Variants in PNPLA3 observed in about 807,000 individuals in gnomAD.
The protein encoded by PNPLA3 is 1-acylglycerol-3-phosphate O-acyltransferase PNPLA3.
A neutral mutation model predicts 43.1 loss-of-function variants in PNPLA3; 42 were observed. That is an observed-to-expected ratio of 0.97 (90% CI 0.76 to 1.26). PNPLA3 has a LOEUF of 1.26. Among genes scored for constraint, PNPLA3 ranks in the 50% most tolerant of loss-of-function variants. The probability of loss-of-function intolerance (pLI) is 0.00; values close to 1 mark genes in which losing one functional copy is unlikely to be tolerated. For synonymous variants in PNPLA3, 272 were observed against 253.6 expected (o/e 1.07, Z -0.69); for missense variants, 647 against 621.4 (o/e 1.04, Z -0.44).
In PNPLA3 at chr22:43,923,852, G is replaced by GAGCCGAT; in HGVS notation, c.-59_-53dup. 7.0e-7 allele frequency: 1 copy of GAGCCGAT among 1,419,012 alleles called. No homozygotes were observed. The highest frequency in any genetic ancestry group is 1.5e-5 in the South Asian group (1 of 68,120). The allele number at this position is 1,419,012 out of a possible 1,614,324, so 87.9% of individuals were successfully genotyped here. A position where few individuals can be genotyped will look rare whatever the true frequency, so the allele number is the denominator to read the frequency against. On this transcript the variant is annotated 5_prime_UTR_variant, in exon 1 of 9. Transcript: ENST00000216180. ...GCGGAGCTGCTGCGGATCAGGACCC[G>GAGCCGAT]AGCCGATTCCCGATCCCGACCCAGA...
intron 3 of PNPLA3, among the ~76,000 whole-genome samples, chr22:43,930,987 C>A (rs56968095): frequency 0.18 from 28,097 of 151,936 alleles, 3,234 homozygotes; most frequent in African/African-American, 0.32. Flanking sequence ...ATTAGCTGGG[C>A]GTGGTGGCGG....
At position 43,946,401 on chromosome 22, in the gene PNPLA3, T is replaced by G. The variant is rs569255289; in HGVS notation, c.*19T>G. 6.4e-4 allele frequency: 1,021 copies of G among 1,606,028 alleles called. 1 individual carries two copies. Among genetic ancestry groups the G allele is most frequent in the Admixed American group, 8.8e-4 (53 of 59,974 alleles). ...TCTGTGAGTCACTTGAGGAGGCGAG[T>G]CTAGCAGATTCTTTCAGAGGTGCTA... On this transcript the variant is annotated 3_prime_UTR_variant, in exon 9 of 9. Transcript: ENST00000216180.
Position 43,937,222 on chromosome 22 carries a change from T to G in PNPLA3, c.929T>G (p.Leu310Arg), listed in dbSNP as rs144746549. The change falls in exon 6 of 9, where the codon CTG (leucine) becomes CGG (arginine). Residue 310 changes from leucine to arginine, a missense_variant. Coordinates refer to ENST00000216180, the MANE Select transcript of PNPLA3 (RefSeq NM_025225.3). Reference protein sequence around the residue: ...ELLDHLRLSILPWDESILDTL... With the variant: ...ELLDHLRLSIRPWDESILDTL... ...CTAGACCACCTGCGTCTCAGCATCCTGCCCTGGGATGAGAGCATCCTGGAC... is the reference window on the plus strand; with the variant it reads ...CTAGACCACCTGCGTCTCAGCATCCGGCCCTGGGATGAGAGCATCCTGGAC... 5.9e-5 allele frequency: 96 copies of G among 1,614,014 alleles called. No homozygotes were observed. Among genetic ancestry groups the G allele is most frequent in the East Asian group, 5.6e-4 (25 of 44,892 alleles).
chr22:43,944,507 A>G (rs1448224471), intron 7 of PNPLA3, among the ~76,000 whole-genome samples, 184 bp from the exon 8 acceptor site: 1 of 151,978 alleles, frequency 6.6e-6, no homozygotes, highest in African/African-American at 2.4e-5. Context: ...CTTGAACCAG[A>G]AGTGGGCTCA....
rs533908579 is a variant in PNPLA3, at chr22:43,934,939, T to A, written c.757+273T>A. Among the ~76,000 whole-genome samples, 4 of 152,192 alleles carry A rather than the reference T, an allele frequency of 2.6e-5. No homozygotes were observed. In the South Asian group the frequency reaches 8.3e-4, roughly 32 times the overall value. ...CTGGGATGTCATGACTCCAGGGCCC[T>A]CTCCCTCCCCAGGGTCCCCTTATCT... On this transcript the variant is annotated intron_variant, in intron 5 of 8. Transcript: ENST00000216180.
chr22:43,947,316 A>G lies in PNPLA3; in HGVS notation c.*934A>G. On this transcript the variant is annotated 3_prime_UTR_variant, in exon 9 of 9. Transcript: ENST00000216180. The stretch of plus-strand genomic sequence containing the variant: ...GGAGGTTGCGGTGAGCTGAGATTGC[A>G]CCATTTCATTCCAGCCTGGGCAACA... 6.6e-6 allele frequency: 1 copy of G among 152,604 alleles called. No individual in the cohort carries two copies. Among genetic ancestry groups the G allele is most frequent in the Non-Finnish European group, 1.5e-5 (1 of 68,626 alleles). The allele number at this position is 152,604 out of a possible 1,614,324, so 9.5% of individuals were successfully genotyped here. A position where few individuals can be genotyped will look rare whatever the true frequency, so the allele number is the denominator to read the frequency against.
At chr22:43,931,059 GGAGCTTGCAGT>G (rs2049958662) in intron 3 of PNPLA3, among the ~76,000 whole-genome samples, 1 of 152,076 alleles carries the variant, frequency 6.6e-6, no homozygotes, top group Non-Finnish European at 1.5e-5. Context: ...CCCGGGGGGC[GGAGCTTGCAGT>G]GAGCTGAGAT....
At chr22:43,930,267 C>A (rs1199308880) in intron 3 of PNPLA3, among the ~76,000 whole-genome samples, 2 of 152,130 alleles carry the variant, frequency 1.3e-5, no homozygotes, top group Admixed American at 6.5e-5. Flanking sequence ...CGAGCTTGCA[C>A]CCAGGTCACT....
chr22:43,937,409 G>A (rs2050003092), intron 6 of PNPLA3, 137 bp downstream of exon 6: 4 of 788,216 alleles, frequency 5.1e-6, no homozygotes, highest in East Asian at 2.7e-5. Flanking sequence ...CCTTCCATGT[G>A]TACAGCCTGG....
intron 7 of PNPLA3, among the ~76,000 whole-genome samples, chr22:43,942,701 C>CTTTTTTTTT (rs398037291): frequency 1.8e-4 from 21 of 113,640 alleles, no homozygotes; most frequent in East Asian, 2.7e-4. Context: ...TTTCTTTTTT[C>CTTTTTTTTT]TTTTTTTTTT....
intron 3 of PNPLA3, among the ~76,000 whole-genome samples, chr22:43,929,574 T>C (rs2049948237): frequency 6.6e-6 from 1 of 150,512 alleles, no homozygotes. Context: ...ACTATAACAG[T>C]CATATATATA....
intron 1 of PNPLA3, among the ~76,000 whole-genome samples, chr22:43,925,204 C>G (rs73888493): frequency 1.3e-5 from 2 of 152,124 alleles, no homozygotes; most frequent in Admixed American, 6.5e-5. Context: ...CTCCCCTCTC[C>G]GGCTCAGTAC....
intron 6 of PNPLA3, chr22:43,939,578 G>T (rs2050017929): frequency 4.5e-6 from 1 of 224,588 alleles, no homozygotes; most frequent in Admixed American, 6.5e-5. Flanking sequence ...ACTTTGGGAG[G>T]CCGAGGTGGG....
rs2049905180 is a variant in PNPLA3, at chr22:43,924,101, G to T, written c.187+3G>T. The T allele has an allele frequency of 6.5e-7, 1 of 1,544,882 alleles. No individual in the cohort carries two copies. ...CGTCCTCTCCGGTATCCCGCTGGGT[G>T]CGTCTGGGGACGCTGCCCGGGCTCC... is the stretch of plus-strand genomic sequence containing the variant. On this transcript the variant is annotated splice_donor_region_variant and intron_variant, in intron 1 of 8. Transcript: ENST00000216180.
intron 6 of PNPLA3, 103 bp from the exon 7 acceptor site, chr22:43,939,890 G>T: frequency 1.3e-6 from 2 of 1,543,142 alleles, no homozygotes; most frequent in Non-Finnish European, 8.9e-7. Flanking sequence ...CCCTTTGGCT[G>T]CCAGGACGGG....
chr22:43,937,661 C>T (rs2050004857), intron 6 of PNPLA3, among the ~76,000 whole-genome samples: 1 of 152,142 alleles, frequency 6.6e-6, no homozygotes, highest in Non-Finnish European at 1.5e-5. Context: ...GGATGGGGGT[C>T]CTGCATCTGG....
intron 3 of PNPLA3, among the ~76,000 whole-genome samples, chr22:43,931,888 G>A (rs188488941): frequency 4.9e-4 from 74 of 152,330 alleles, no homozygotes; most frequent in South Asian, 1.9e-3. Flanking sequence ...AAATGTTGCT[G>A]TGTAAACTTG....
chr22:43,927,022 A>T lies in PNPLA3; in HGVS notation c.275A>T (p.Lys92Met). Residue 92 changes from lysine to methionine, a missense_variant, in exon 2 of 9, where the codon AAG becomes ATG. Coordinates refer to ENST00000216180, the MANE Select transcript of PNPLA3 (RefSeq NM_025225.3). ...GIFHPSFNLS[K>M]FLRQGLCKCL... is the part of the protein sequence containing the mutation. Reference sequence around the variant, plus strand: ...TTCCATCCATCCTTCAACTTAAGCAAGTTCCTCCGACAGGGTCTCTGCAAA... The same window carrying T: ...TTCCATCCATCCTTCAACTTAAGCATGTTCCTCCGACAGGGTCTCTGCAAA... The T allele has an allele frequency of 6.2e-7, 1 of 1,614,206 alleles. No homozygotes were observed. The highest frequency in any genetic ancestry group is 8.5e-7 in the Non-Finnish European group (1 of 1,180,030).
intron 7 of PNPLA3, among the ~76,000 whole-genome samples, chr22:43,940,791 A>T (rs2050026033): frequency 6.6e-6 from 1 of 152,144 alleles, no homozygotes; most frequent in Non-Finnish European, 1.5e-5. Flanking sequence ...CCTGGGTGAC[A>T]GGAGAGAAAC....
Sources: gnomAD v4.1 joint callset for allele counts (sites outside exome capture counted in the v4.1 genomes callset) on GRCh38, gnomAD v4.1.1 for gene constraint, MANE v1.5 for transcripts, NCBI Gene and HGNC (gene_info 2026-07-23, HGNC 2026-07-21) for gene names.